The following SF3B1 variants were observed in gnomAD, a reference collection of about 807,000 sequenced individuals.
SF3B1 encodes the protein splicing factor 3b subunit 1.
In SF3B1, 12 loss-of-function variants were observed where a neutral mutation model predicts 153.8. The observed-to-expected ratio is 0.08, with a 90% CI of 0.05 to 0.13. The LOEUF (loss-of-function observed/expected upper bound fraction) is 0.13. SF3B1 is among the 10% of genes least tolerant of loss of function. The probability of loss-of-function intolerance (pLI) is 1.00; values close to 1 mark genes in which losing one functional copy is unlikely to be tolerated. For synonymous variants in SF3B1, 498 were observed against 525.2 expected (o/e 0.95, Z 0.71); for missense variants, 513 against 1,606.1 (o/e 0.32, Z 11.63).
At chr2:197,408,791 T>C (rs2085026788) in intron 7 of SF3B1, 3 of 534,668 alleles carry the variant, frequency 5.6e-6, no homozygotes, top group East Asian at 6.6e-5. Context: ...GGTGTGGTGG[T>C]GGGCGCTTGT....
chr2:197,409,869 CAGG>C lies in SF3B1; in HGVS notation c.802_804del (p.Pro268del). 6.2e-7 allele frequency: 1 copy of C among 1,614,130 alleles called. No individual in the cohort carries two copies. The highest frequency in any genetic ancestry group is 1.3e-5 in the African/African-American group (1 of 75,026). On this transcript the variant is annotated inframe_deletion, in exon 7 of 25. Transcript: ENST00000335508. ...GCATGGCCTGGTGTATCACCTCGTC[CAGG>C]AGTAGCAGCTCCCGCTGGTGTGTGG...
rs1360040192 is a variant in SF3B1 at position 197,408,048 on chromosome 2, G to A, written c.1189C>T (p.Arg397Cys). 1 of 1,612,816 alleles carries A rather than the reference G, an allele frequency of 6.2e-7. No homozygotes were observed. Among genetic ancestry groups the A allele is most frequent in the Non-Finnish European group, 8.5e-7 (1 of 1,179,116 alleles). Reference protein sequence around the residue: ...RWEREIDERNRPLSDEELDAM... With the variant: ...RWEREIDERNCPLSDEELDAM... ...TCTAATTCCTCATCAGAAAGTGGGCGATTTCTCTCATCAATTTCTCTTTCC... is the reference window on the plus strand; with the variant it reads ...TCTAATTCCTCATCAGAAAGTGGGCAATTTCTCTCATCAATTTCTCTTTCC... Residue 397 changes from arginine to cysteine, a missense_variant, in exon 9 of 25, where the codon CGC (arginine) becomes TGC (cysteine). Transcript: ENST00000335508.
intron 12 of SF3B1, 108 bp from the exon 13 acceptor site, chr2:197,403,143 G>C (rs2084952731): frequency 6.1e-6 from 5 of 814,974 alleles, no homozygotes; most frequent in Non-Finnish European, 7.9e-6. Flanking sequence ...CAGGACTTTT[G>C]TTAATCAAGG....
chr2:197,429,450 A>C (rs2106023435), intron 1 of SF3B1, among the ~76,000 whole-genome samples: 1 of 152,272 alleles, frequency 6.6e-6, no homozygotes, highest in African/African-American at 2.4e-5. Flanking sequence ...GGCTACTGTA[A>C]ACATTTGTTT....
At chr2:197,424,099 C>T in intron 1 of SF3B1, 125 bp from the exon 2 acceptor site, 2 of 823,260 alleles carry the variant, frequency 2.4e-6, no homozygotes, top group South Asian at 3.3e-5. Flanking sequence ...AATAATTGCA[C>T]CATATAAGAG....
intron 22 of SF3B1, among the ~76,000 whole-genome samples, chr2:197,396,689 GCA>G (rs1447826842): frequency 1.3e-5 from 2 of 152,172 alleles, no homozygotes; most frequent in African/African-American, 2.4e-5. Flanking sequence ...GTCAAAATGG[GCA>G]CTAGAACTAG....
At chr2:197,427,914 G>A (rs967497253) in intron 1 of SF3B1, among the ~76,000 whole-genome samples, 1 of 152,028 alleles carries the variant, frequency 6.6e-6, no homozygotes, top group African/African-American at 2.4e-5. Flanking sequence ...AGCTACTCAG[G>A]AGGCTGAGTC....
At chr2:197,424,284 G>A (rs1170210539) in intron 1 of SF3B1, among the ~76,000 whole-genome samples, 1 of 152,118 alleles carries the variant, frequency 6.6e-6, no homozygotes, top group Admixed American at 6.6e-5. Flanking sequence ...GATCACTTGA[G>A]GTCAGGAGTT....
chr2:197,409,522 C>CT (rs1450351874), intron 7 of SF3B1, among the ~76,000 whole-genome samples: 1 of 152,094 alleles, frequency 6.6e-6, no homozygotes, highest in African/African-American at 2.4e-5. Flanking sequence ...GACCCTATCT[C>CT]TAAAGAAACA....
At chr2:197,421,187 T>C (rs2085236426) in intron 2 of SF3B1, 54 bp from the exon 3 acceptor site, 1 of 1,099,322 alleles carries the variant, frequency 9.1e-7, no homozygotes, top group South Asian at 1.3e-5. Flanking sequence ...ACTTAAAAAT[T>C]AGAAAGAATA....
chr2:197,418,260 A>AAAAAAAAAAAAAAC (rs2085185584), intron 5 of SF3B1, among the ~76,000 whole-genome samples: 2 of 139,052 alleles, frequency 1.4e-5, no homozygotes, highest in Non-Finnish European at 3.1e-5. Flanking sequence ...AAAAAAAAAA[A>AAAAAAAAAAAAAAC]AAAATCCCTT....
chr2:197,394,644 G>A (rs1486304248), intron 23 of SF3B1, among the ~76,000 whole-genome samples: 2 of 152,182 alleles, frequency 1.3e-5, no homozygotes, highest in East Asian at 1.9e-4. Flanking sequence ...GGTGGCTCAC[G>A]CCTGTAATCC....
intron 2 of SF3B1, among the ~76,000 whole-genome samples, chr2:197,423,113 G>A (rs923469510): frequency 1.3e-5 from 2 of 152,112 alleles, no homozygotes; most frequent in East Asian, 3.9e-4. Flanking sequence ...CAGGCTGGGC[G>A]CAGTGGCTCA....
intron 20 of SF3B1, 35 bp from the exon 21 acceptor site, chr2:197,398,616 G>C (rs768751109): frequency 1.3e-6 from 2 of 1,596,642 alleles, no homozygotes; most frequent in South Asian, 1.1e-5. Flanking sequence ...ATCAACATTT[G>C]AATTGCAACT....
intron 6 of SF3B1, among the ~76,000 whole-genome samples, chr2:197,413,863 G>A (rs1478066552): frequency 1.3e-5 from 2 of 151,906 alleles, no homozygotes; most frequent in Non-Finnish European, 2.9e-5. Flanking sequence ...CTGAAGTGCA[G>A]TGGCACGATC....
chr2:197,406,705 C>A (rs1384753669), intron 9 of SF3B1, among the ~76,000 whole-genome samples: 1 of 152,154 alleles, frequency 6.6e-6, no homozygotes, highest in Non-Finnish European at 1.5e-5. Flanking sequence ...TCTATCTATA[C>A]CCACAGCATT....
At chr2:197,423,995 C>G (rs750053267) in intron 1 of SF3B1, 21 bp from the exon 2 acceptor site, 1 of 1,587,648 alleles carries the variant, frequency 6.3e-7, no homozygotes, top group East Asian at 2.2e-5. Context: ...ATAACACAGA[C>G]TTTCTTAATT....
chr2:197,398,818 TCAATAA>T, intron 20 of SF3B1: 8 of 518,992 alleles, frequency 1.5e-5, no homozygotes, highest in Non-Finnish European at 7.1e-6. Flanking sequence ...TGATGGATAC[TCAATAA>T]CAAAAAAGTT....
chr2:197,404,848 C>A, intron 11 of SF3B1: 1 of 388,608 alleles, frequency 2.6e-6, no homozygotes, highest in Non-Finnish European at 4.8e-6. Flanking sequence ...ATTTTGTGGT[C>A]TACATTTCCT....
Sources: gnomAD v4.1 joint callset for allele counts (sites outside exome capture counted in the v4.1 genomes callset) on GRCh38, gnomAD v4.1.1 for gene constraint, MANE v1.5 for transcripts, NCBI Gene and HGNC (gene_info 2026-07-23, HGNC 2026-07-21) for gene names.